PLEKHO1: variants seen among roughly 807,000 people sequenced by gnomAD.
PLEKHO1 encodes pleckstrin homology domain-containing family O member 1.
Under a neutral mutation model 41.4 loss-of-function variants are expected in PLEKHO1, and 22 were observed. That is an observed-to-expected ratio of 0.53 (90% CI 0.38 to 0.76). The LOEUF is 0.76. PLEKHO1 is among the 30% of genes least tolerant of loss of function. The probability of loss-of-function intolerance (pLI) is 0.00; values close to 1 mark genes in which losing one functional copy is unlikely to be tolerated. For synonymous variants in PLEKHO1, 225 were observed against 210.8 expected, an observed-to-expected ratio of 1.07 and a Z score of -0.58; for missense variants, 488 against 518.3, an observed-to-expected ratio of 0.94 and a Z score of 0.57.
At chr1:150,158,110 T>C (rs1187982614) in intron 5 of PLEKHO1, among the ~76,000 whole-genome samples, 1 of 152,090 alleles carries the variant, frequency 6.6e-6, no homozygotes, top group Non-Finnish European at 1.5e-5. Flanking sequence ...ATTCTGGAAA[T>C]AAGAGAACAA....
At chr1:150,157,185 T>C in intron 4 of PLEKHO1, 170 bp downstream of exon 4, 1 of 696,416 alleles carries the variant, frequency 1.4e-6, no homozygotes, top group Non-Finnish European at 2.6e-6. Context: ...TCTCCAAGTC[T>C]CATCTGACAC....
intron 2 of PLEKHO1, chr1:150,152,706 A>AAAAAAAC (rs1660000169): frequency 6.7e-6 from 1 of 150,024 alleles, no homozygotes; most frequent in African/African-American, 2.5e-5. Context: ...AAAAAAAAAA[A>AAAAAAAC]AAAAAACAAG....
Position 150,150,273 on chromosome 1 carries a change from A to T in PLEKHO1, c.16A>T (p.Asn6Tyr). The part of the protein sequence containing the change: MMKKN[N>Y]SAKRGPQDGN... ...CCCGCTGGGAATGATGAAGAAGAAC[A>T]ATTCCGCCAAGCGGGTGAGTGCGCT... The change falls in exon 1 of 6, where the codon AAT becomes TAT. Residue 6 changes from asparagine to tyrosine, a missense_variant. Coordinates refer to ENST00000369124, the MANE Select transcript of PLEKHO1 (RefSeq NM_016274.6). The T allele has an allele frequency of 8.9e-7, 1 of 1,122,076 alleles. No homozygotes were observed. The highest frequency in any genetic ancestry group is 1.7e-5 in the African/African-American group (1 of 60,166). 69.5% of individuals were successfully genotyped at this position (1,122,076 alleles called of 1,614,324 possible).
chr1:150,158,259 C>T (rs587655302), intron 5 of PLEKHO1, among the ~76,000 whole-genome samples: 103 of 152,152 alleles, frequency 6.8e-4, no homozygotes, highest in South Asian at 1.7e-3. Flanking sequence ...AGGAAGAGGG[C>T]GCCCCTCAGG....
At position 150,157,793 on chromosome 1, in the gene PLEKHO1, A is replaced by G. The variant is rs182997107; in HGVS notation, c.525+307A>G. Among the ~76,000 whole-genome samples, 586 of 152,368 alleles carry G rather than the reference A, an allele frequency of 3.8e-3. 8 individuals are homozygous for G. The Middle Eastern group carries it at 0.051, about 13-fold the overall frequency. ...GCTGTCTTGATGGGTAACAACATGTAGTACCGCGGGTGTTTGGAGGAGAAA... is the reference window on the plus strand; with the variant it reads ...GCTGTCTTGATGGGTAACAACATGTGGTACCGCGGGTGTTTGGAGGAGAAA... On this transcript the variant is annotated intron_variant, in intron 5 of 5. Transcript: ENST00000369124.
intron 1 of PLEKHO1, 85 bp from the exon 2 acceptor site, chr1:150,150,827 G>C (rs1045053977): frequency 9.8e-6 from 13 of 1,327,956 alleles, no homozygotes; most frequent in Non-Finnish European, 1.4e-5. Context: ...AGACTGGGCC[G>C]CCGAGGCGGT....
rs1348784849 is a variant in PLEKHO1 at position 150,159,104 on chromosome 1, T to C, written c.811T>C (p.Ser271Pro). The C allele has an allele frequency of 6.2e-7, 1 of 1,609,972 alleles. No individual in the cohort carries two copies. The highest frequency in any genetic ancestry group is 8.5e-7 in the Non-Finnish European group (1 of 1,178,790). ...GCCCACAGAGAAAGGCCGCTGCGCC[T>C]CCCTGGAGGAGATCCTATCTCAGCG... ...LTPTEKGRCA[S>P]LEEILSQRDA... Residue 271 changes from serine (S) to proline (P), a missense_variant, in exon 6 of 6, where the codon TCC becomes CCC. Physicochemically the swap from Ser to Pro is moderately conservative, Grantham distance 74 (BLOSUM62 -1). Coordinates refer to ENST00000369124, the MANE Select transcript of PLEKHO1 (RefSeq NM_016274.6).
chr1:150,150,854 A>AGAGGAAGCGCC, intron 1 of PLEKHO1, 58 bp from the exon 2 acceptor site: 1 of 1,533,900 alleles, frequency 6.5e-7, no homozygotes, highest in Admixed American at 1.7e-5. Context: ...AGACGGACGG[A>AGAGGAAGCGCC]GAGGAAGCGC....
At chr1:150,153,521 A>C (rs781923003) in intron 2 of PLEKHO1, 1 of 151,402 alleles carries the variant, frequency 6.6e-6, no homozygotes, top group Non-Finnish European at 1.5e-5. Flanking sequence ...AGTATAATCT[A>C]TATCATTTAC....
chr1:150,158,799 A>G lies in PLEKHO1; in HGVS notation c.526-20A>G, dbSNP rs1553821027. The stretch of plus-strand genomic sequence containing the variant: ...CCTCCTGATGACAGGTTCCCCACTC[A>G]TTCCCCCCTTCCTCCACAGGCTTCC... On this transcript the variant is annotated intron_variant, in intron 5 of 5. Transcript: ENST00000369124. The G allele has an allele frequency of 2.6e-6, 4 of 1,550,624 alleles. No individual in the cohort carries two copies. The highest frequency in any genetic ancestry group is 1.8e-6 in the Non-Finnish European group (2 of 1,133,086).
rs1553821080 is a variant in PLEKHO1, at chr1:150,158,837, G to C, written c.544G>C (p.Asp182His). The change falls in exon 6 of 6, where the codon GAT becomes CAT. Residue 182 changes from aspartate (D) to histidine (H), a missense_variant. Asp to His is a moderately conservative substitution (Grantham distance 81). Transcript: ENST00000369124. ...LMAVASTSTSDGMLTLDLIQE... is the reference protein window; with the variant it reads ...LMAVASTSTSHGMLTLDLIQE... ...TCCACAGGCTTCCACCTCTACCTCG[G>C]ATGGGATGCTGACCTTGGACTTGAT... 2.5e-6 allele frequency: 4 copies of C among 1,606,438 alleles called. No individual in the cohort carries two copies. Among genetic ancestry groups the C allele is most frequent in the African/African-American group, 1.3e-5 (1 of 74,732 alleles).
At chr1:150,158,562 G>A (rs950627049) in intron 5 of PLEKHO1, among the ~76,000 whole-genome samples, 5 of 151,696 alleles carry the variant, frequency 3.3e-5, no homozygotes, top group Non-Finnish European at 7.4e-5. Flanking sequence ...GGTGGTGCAC[G>A]CATGTAATCC....
rs1420947811 is a variant in PLEKHO1, at chr1:150,149,918, A to T, written c.-340A>T. On this transcript the variant is annotated 5_prime_UTR_variant, in exon 1 of 6. Transcript: ENST00000369124. ...GCGGGGTGCGGACTGGGCCGCCCAC[A>T]GCGCACCGGGCCGGGGGAGCGGCCG... The T allele has an allele frequency of 6.6e-6, 1 of 150,474 alleles. No homozygotes were observed. Among genetic ancestry groups the T allele is most frequent in the Non-Finnish European group, 1.5e-5 (1 of 67,766 alleles). The allele number at this position is 150,474 out of a possible 1,614,324, so 9.3% of individuals were successfully genotyped here.
intron 2 of PLEKHO1, chr1:150,153,519 C>T (rs770195802): frequency 2.0e-5 from 3 of 151,422 alleles, no homozygotes. Context: ...AGAGTATAAT[C>T]TATATCATTT....
chr1:150,158,816 C>G lies in PLEKHO1; in HGVS notation c.526-3C>G. 2 of 1,588,272 alleles carry G rather than the reference C, an allele frequency of 1.3e-6. No individual in the cohort carries two copies. The highest frequency in any genetic ancestry group is 1.7e-6 in the Non-Finnish European group (2 of 1,161,420). On this transcript the variant is annotated splice_polypyrimidine_tract_variant and splice_region_variant and intron_variant, in intron 5 of 5. Coordinates refer to ENST00000369124, the MANE Select transcript of PLEKHO1 (RefSeq NM_016274.6). ...CCCCACTCATTCCCCCCTTCCTCCA[C>G]AGGCTTCCACCTCTACCTCGGATGG...
chr1:150,152,710 A>C (rs1660000880), intron 2 of PLEKHO1: 2 of 150,704 alleles, frequency 1.3e-5, no homozygotes, highest in African/African-American at 4.9e-5. Context: ...AAAAAAAAAA[A>C]AACAAGTGTC....
rs1660290947 is a variant in PLEKHO1, at chr1:150,158,859, T to G, written c.566T>G (p.Leu189Trp). The change falls in exon 6 of 6, where the codon TTG becomes TGG. Residue 189 changes from leucine to tryptophan, a missense_variant. Around this residue, in one of 3 missense-constraint regions of PLEKHO1, gnomAD observed 337 missense variants for 324.6 expected, o/e 1.04. Coordinates refer to ENST00000369124, the MANE Select transcript of PLEKHO1 (RefSeq NM_016274.6). ...TCGGATGGGATGCTGACCTTGGACT[T>G]GATCCAAGAGGAAGACCCTTCCCCT... is the stretch of plus-strand genomic sequence containing the variant. ...STSDGMLTLD[L>W]IQEEDPSPEE... 1 of 1,612,802 alleles carries G rather than the reference T, an allele frequency of 6.2e-7. No homozygotes were observed. The highest frequency in any genetic ancestry group is 1.1e-5 in the South Asian group (1 of 91,056).
In PLEKHO1 at chr1:150,159,150, C is replaced by T. The variant is rs782341085; in HGVS notation, c.857C>T (p.Thr286Ile). The change falls in exon 6 of 6, where the codon ACC becomes ATC. Residue 286 changes from threonine to isoleucine, a missense_variant. Thr to Ile is a moderately conservative substitution (Grantham distance 89). Coordinates refer to ENST00000369124, the MANE Select transcript of PLEKHO1 (RefSeq NM_016274.6). ...CAGCGGGATGCTGCCTCTGCCCGCA[C>T]CCTCCAGCTGCGGGCTGAGGAACCC... Reference protein sequence around the residue: ...LSQRDAASARTLQLRAEEPPT... With the variant: ...LSQRDAASARILQLRAEEPPT... 6.2e-7 allele frequency: 1 copy of T among 1,611,544 alleles called. No individual in the cohort carries two copies. Among genetic ancestry groups the T allele is most frequent in the Non-Finnish European group, 8.5e-7 (1 of 1,178,778 alleles).
intron 2 of PLEKHO1, chr1:150,154,218 G>A (rs1660076885): frequency 6.6e-6 from 1 of 152,356 alleles, no homozygotes; most frequent in Non-Finnish European, 1.5e-5. Flanking sequence ...GATAGTCTCA[G>A]CTCTGGAGAA....
Sources: allele counts gnomAD v4.1 joint callset (sites outside exome capture counted in the v4.1 genomes callset), GRCh38; gene constraint gnomAD v4.1.1; regional missense constraint gnomAD v4.1.1; transcripts MANE v1.5; gene names NCBI Gene and HGNC (gene_info 2026-07-23, HGNC 2026-07-21).